Variants in DNAH7 observed in about 807,000 individuals in gnomAD.
DNAH7 encodes axonemal beta dynein heavy chain 7.
A neutral mutation model predicts 444.6 loss-of-function variants in DNAH7; 397 were observed. That is an observed-to-expected ratio of 0.89 (90% CI 0.82 to 0.97). The LOEUF (loss-of-function observed/expected upper bound fraction) is 0.97. Ranked by LOEUF, DNAH7 falls within the 50% of genes least tolerant of loss-of-function variation. DNAH7 has a pLI of 0.00. For missense variants in DNAH7, 4,902 were observed against 4,800.8 expected (o/e 1.02, Z -0.62); for synonymous variants, 1,636 against 1,624.4 (o/e 1.01, Z -0.17).
intron 12 of DNAH7, among the ~76,000 whole-genome samples, chr2:196,000,064 G>A (rs969867602): frequency 6.6e-6 from 1 of 152,120 alleles, no homozygotes; most frequent in African/African-American, 2.4e-5. Context: ...GCCAATTTAG[G>A]TGTTAACTTT....
chr2:195,896,027 G>A (rs1194427497), intron 29 of DNAH7, among the ~76,000 whole-genome samples: 3 of 152,194 alleles, frequency 2.0e-5, no homozygotes, highest in Non-Finnish European at 4.4e-5. Flanking sequence ...ACATTTGTGT[G>A]TGAATTTGTA....
chr2:195,864,222 A>G lies in DNAH7; in HGVS notation c.7433T>C (p.Ile2478Thr), dbSNP rs199784282. The change falls in exon 41 of 65, where the codon ATT becomes ACT. Residue 2478 changes from isoleucine (I) to threonine (T), a missense_variant. By Grantham distance (89) the Ile-to-Thr change is moderately conservative (BLOSUM62 -1). Transcript: ENST00000312428. ...AAGACGATTCCGAAATGCATCTCCA[A>G]TGGGACTCATGGCAAGGACCACATG... is the stretch of plus-strand genomic sequence containing the variant. ...QLHVVLAMSPIGDAFRNRLRK... is the reference protein window; with the variant it reads ...QLHVVLAMSPTGDAFRNRLRK... 339 of 1,614,170 alleles carry G rather than the reference A, an allele frequency of 2.1e-4. No homozygotes were observed. The African/African-American group carries it at 4.1e-3, about 19-fold the overall frequency.
At chr2:195,860,397 C>T (rs1342209925) in intron 42 of DNAH7, among the ~76,000 whole-genome samples, 3 of 151,354 alleles carry the variant, frequency 2.0e-5, no homozygotes, top group Non-Finnish European at 2.9e-5. Context: ...ATCATAAGCT[C>T]GACACAGAAA....
intron 8 of DNAH7, among the ~76,000 whole-genome samples, chr2:196,023,283 A>T (rs570995626): frequency 1.3e-5 from 2 of 151,908 alleles, no homozygotes; most frequent in East Asian, 3.9e-4. Context: ...TAAGCTTCCC[A>T]AGGCCTCCCC....
chr2:195,752,959 C>T (rs1240543002), intron 63 of DNAH7, among the ~76,000 whole-genome samples: 1 of 151,996 alleles, frequency 6.6e-6, no homozygotes. Context: ...TACTGGTGAG[C>T]GGAGATACAG....
chr2:195,816,403 T>C (rs555190155), intron 51 of DNAH7, among the ~76,000 whole-genome samples: 2 of 152,198 alleles, frequency 1.3e-5, no homozygotes, highest in Admixed American at 6.5e-5. Context: ...TAGAATTACA[T>C]TATAATTCTA....
chr2:196,067,566 A>AT (rs1271642687), intron 1 of DNAH7, among the ~76,000 whole-genome samples: 1 of 152,068 alleles, frequency 6.6e-6, no homozygotes, highest in African/African-American at 2.4e-5. Flanking sequence ...AATTATACTT[A>AT]TTTTTTTAAA....
chr2:195,788,023 C>G (rs951163738), intron 57 of DNAH7, among the ~76,000 whole-genome samples: 6 of 152,106 alleles, frequency 3.9e-5, no homozygotes, highest in African/African-American at 1.4e-4. Flanking sequence ...TTGGAGTAGC[C>G]ATCTTGAGTA....
intron 12 of DNAH7, chr2:195,994,874 C>T (rs1052861160): frequency 4.9e-6 from 2 of 411,488 alleles, no homozygotes; most frequent in Non-Finnish European, 9.4e-6. Flanking sequence ...TTTGACAGGC[C>T]TTGACATTGG....
chr2:196,061,569 C>T (rs578160555), intron 1 of DNAH7, among the ~76,000 whole-genome samples: 3 of 152,096 alleles, frequency 2.0e-5, no homozygotes, highest in Non-Finnish European at 4.4e-5. Context: ...CCCTTTTTCT[C>T]ATATCACACA....
intron 19 of DNAH7, among the ~76,000 whole-genome samples, chr2:195,955,056 T>C (rs910031510): frequency 6.6e-6 from 1 of 152,244 alleles, no homozygotes; most frequent in Non-Finnish European, 1.5e-5. Context: ...ATTTTGGCTT[T>C]TGTTGCCATG....
chr2:195,953,539 G>A (rs764587978), intron 19 of DNAH7, among the ~76,000 whole-genome samples: 6 of 152,192 alleles, frequency 3.9e-5, no homozygotes, highest in Non-Finnish European at 5.9e-5. Flanking sequence ...GCCCACAGCC[G>A]CCCCTTCCCA....
chr2:195,897,782 A>C lies in DNAH7; in HGVS notation c.4549-17T>G, dbSNP rs748397803. On this transcript the variant is annotated splice_polypyrimidine_tract_variant and intron_variant, in intron 28 of 64. Transcript: ENST00000312428. ...ATATTTCAGCTAAAAAAAAAAAAAA[A>C]AACTCATGAGGATATCTGCATCTCC... is the stretch of plus-strand genomic sequence containing the variant. 2.8e-5 allele frequency: 42 copies of C among 1,484,932 alleles called. No individual in the cohort carries two copies. Among genetic ancestry groups the C allele is most frequent in the South Asian group, 3.6e-5 (3 of 82,338 alleles). 92.0% of individuals were successfully genotyped at this position (1,484,932 alleles called of 1,614,324 possible).
chr2:196,004,150 T>G (rs973995348), intron 10 of DNAH7, among the ~76,000 whole-genome samples: 2 of 152,214 alleles, frequency 1.3e-5, no homozygotes, highest in Admixed American at 1.3e-4. Context: ...AAATATGGAC[T>G]TACTTTCTCA....
In DNAH7 at chr2:196,041,642, G is replaced by T. The variant is rs545539773; in HGVS notation, c.398+5710C>A. On this transcript the variant is annotated intron_variant, in intron 5 of 64. Transcript: ENST00000312428. ...ATTGGAAAAATGCTTCAGGAGATTG[G>T]TCTGGGCAAAGATTTTTTGGGGTAA... is the stretch of plus-strand genomic sequence containing the variant. Among the ~76,000 whole-genome samples the T allele has an allele frequency of 1.2e-4, 19 of 152,138 alleles. No individual in the cohort carries two copies. In the South Asian group the frequency reaches 3.9e-3, roughly 32 times the overall value.
chr2:195,919,124 C>A (rs1346967920), intron 24 of DNAH7, among the ~76,000 whole-genome samples: 1 of 151,660 alleles, frequency 6.6e-6, no homozygotes, highest in Non-Finnish European at 1.5e-5. Context: ...GTGGTGCACG[C>A]CTGTAATCCC....
chr2:195,776,182 G>A (rs1695051297), intron 59 of DNAH7, among the ~76,000 whole-genome samples, 199 bp from the exon 60 acceptor site: 2 of 152,098 alleles, frequency 1.3e-5, no homozygotes, highest in Non-Finnish European at 2.9e-5. Flanking sequence ...GGTGGCTCAC[G>A]CCTGTAATCC....
intron 48 of DNAH7, among the ~76,000 whole-genome samples, chr2:195,832,875 T>C (rs1205956306): frequency 2.6e-5 from 4 of 152,172 alleles, no homozygotes; most frequent in Non-Finnish European, 5.9e-5. Flanking sequence ...ACAGTAAATG[T>C]TCAACAAAAA....
intron 53 of DNAH7, among the ~76,000 whole-genome samples, chr2:195,808,007 A>G (rs1696789775): frequency 6.6e-6 from 1 of 152,206 alleles, no homozygotes. Flanking sequence ...CTCTCTGCAT[A>G]TCTAGCTTTC....
Sources: gnomAD v4.1 joint callset for allele counts (sites outside exome capture counted in the v4.1 genomes callset) on GRCh38, gnomAD v4.1.1 for gene constraint, MANE v1.5 for transcripts, NCBI Gene and HGNC (gene_info 2026-07-23, HGNC 2026-07-21) for gene names.